COL10A1: variants seen among roughly 807,000 people sequenced by gnomAD.
The protein encoded by COL10A1 is collagen alpha-1(X) chain.
COL10A1 carries 10 observed loss-of-function variants against 18.2 expected under a neutral mutation model. The ratio of observed to expected loss-of-function variants is 0.55; its 90% confidence interval spans 0.34 to 0.93. COL10A1 has a LOEUF of 0.93. Among genes scored for constraint, COL10A1 ranks in the 40% least tolerant of loss-of-function variants. The pLI, the probability that COL10A1 is intolerant of heterozygous loss-of-function variation, is 0.02. For synonymous variants in COL10A1, 330 were observed against 316.6 expected, an observed-to-expected ratio of 1.04 and a Z score of -0.45; for missense variants, 897 against 853.5, an observed-to-expected ratio of 1.05 and a Z score of -0.64.
the COL10A1 span, among the ~76,000 whole-genome samples, chr6:116,212,706 GAACAA>G: frequency 6.6e-6 from 1 of 151,988 alleles, no homozygotes; most frequent in Non-Finnish European, 1.5e-5. Context: ...GGAGGCAGGG[GAACAA>G]ACATCCCAGG....
chr6:116,130,886 AT>A (rs1456941927), upstream of COL10A1, among the ~76,000 whole-genome samples: 9 of 152,100 alleles, frequency 5.9e-5, no homozygotes, highest in East Asian at 7.7e-4. Context: ...TTGAAAAAAA[AT>A]ATAAGCCGTT....
At chr6:116,180,236 A>G in the COL10A1 span, among the ~76,000 whole-genome samples, 2 of 152,058 alleles carry the variant, frequency 1.3e-5, no homozygotes, top group African/African-American at 4.8e-5. Flanking sequence ...TCATTTTTCA[A>G]CGTTTAGAGG....
the COL10A1 span, among the ~76,000 whole-genome samples, chr6:116,174,190 GT>G: frequency 6.6e-6 from 1 of 152,098 alleles, no homozygotes; most frequent in Non-Finnish European, 1.5e-5. Flanking sequence ...CATTTGCCAT[GT>G]TTCTCTACTG....
intron 1 of COL10A1, among the ~76,000 whole-genome samples, chr6:116,138,522 A>ATGCAAAACT: frequency 3.9e-5 from 6 of 152,220 alleles, no homozygotes; most frequent in African/African-American, 1.2e-4. Flanking sequence ...CTAGTTCAGA[A>ATGCAAAACT]TTTGCTAATT....
the COL10A1 span, among the ~76,000 whole-genome samples, chr6:116,179,038 A>G: frequency 6.6e-6 from 1 of 152,156 alleles, no homozygotes; most frequent in African/African-American, 2.4e-5. Flanking sequence ...AAAATAGTCA[A>G]AGTAAGTTTG....
At chr6:116,150,435 C>T (rs1780011552) in intron 1 of COL10A1, among the ~76,000 whole-genome samples, 1 of 152,076 alleles carries the variant, frequency 6.6e-6, no homozygotes, top group Non-Finnish European at 1.5e-5. Context: ...CAGGTGCCCG[C>T]CACCACACCC....
In COL10A1 at chr6:116,120,949, C is replaced by A. The variant is rs200840015; in HGVS notation, c.1167G>T (p.Gly389=). ...CATCGAGACCTGGTTTTCCTGGGTA[C>A]CCTGGTTTTCCATCTGACCCAGGGG... is the stretch of plus-strand genomic sequence containing the variant. ...RGSPGSDGKP[G]YPGKPGLDGP... Residue 389 remains glycine (G), a synonymous_variant, in exon 3 of 3, where the codon GGG becomes GGT. Transcript: ENST00000651968. 20 of 1,613,914 alleles carry A rather than the reference C, an allele frequency of 1.2e-5. No individual in the cohort carries two copies. In the African/African-American group the frequency reaches 2.4e-4, roughly 19 times the overall value.
intron 1 of COL10A1, among the ~76,000 whole-genome samples, chr6:116,139,763 C>T (rs1475321790): frequency 6.6e-6 from 1 of 152,006 alleles, no homozygotes; most frequent in Non-Finnish European, 1.5e-5. Context: ...CAGTTTTTTG[C>T]TTAAAAGGCA....
chr6:116,183,963 T>A, the COL10A1 span, among the ~76,000 whole-genome samples: 1 of 152,220 alleles, frequency 6.6e-6, no homozygotes, highest in East Asian at 1.9e-4. Flanking sequence ...AAAGTGGGCA[T>A]CTTTGTCTTT....
the COL10A1 span, among the ~76,000 whole-genome samples, chr6:116,187,004 G>T: frequency 6.6e-6 from 1 of 151,976 alleles, no homozygotes; most frequent in South Asian, 2.1e-4. Context: ...ATGTCAGATG[G>T]TAGATCCGGG....
the COL10A1 span, among the ~76,000 whole-genome samples, chr6:116,167,917 G>A: frequency 6.6e-6 from 1 of 151,984 alleles, no homozygotes; most frequent in South Asian, 2.1e-4. Context: ...TTTAATGGAG[G>A]TCTAGGTTAA....
At chr6:116,125,945 T>A (rs1452900591) in intron 1 of COL10A1, 108 bp downstream of exon 1, 3 of 158,530 alleles carry the variant, frequency 1.9e-5, no homozygotes, top group Admixed American at 6.3e-5. Context: ...ACCCATTTTT[T>A]AAATCACTTT....
At chr6:116,156,505 C>T (rs977098638) in intron 1 of COL10A1, among the ~76,000 whole-genome samples, 8 of 152,196 alleles carry the variant, frequency 5.3e-5, no homozygotes, top group East Asian at 1.9e-4. Context: ...AAAAGGAATG[C>T]GTCTTAAGGA....
At chr6:116,178,088 T>TGTGTGTGTGTGC in the COL10A1 span, among the ~76,000 whole-genome samples, 22 of 99,662 alleles carry the variant, frequency 2.2e-4, no homozygotes, top group African/African-American at 8.4e-4. Flanking sequence ...TGTGTGTGTG[T>TGTGTGTGTGTGC]GCGCGCGCGC....
At chr6:116,198,372 A>C in the COL10A1 span, among the ~76,000 whole-genome samples, 1 of 152,062 alleles carries the variant, frequency 6.6e-6, no homozygotes, top group Non-Finnish European at 1.5e-5. Context: ...AACTGTGCTC[A>C]TGCCCTGCTT....
chr6:116,212,346 T>A, the COL10A1 span, among the ~76,000 whole-genome samples: 1 of 152,122 alleles, frequency 6.6e-6, no homozygotes, highest in Non-Finnish European at 1.5e-5. Flanking sequence ...GCTTAACTAC[T>A]CTGTCTATGC....
At chr6:116,164,274 G>C in the COL10A1 span, among the ~76,000 whole-genome samples, 2 of 152,212 alleles carry the variant, frequency 1.3e-5, no homozygotes, top group East Asian at 1.9e-4. Flanking sequence ...CTCTGGTGTT[G>C]GGTAATGTAT....
rs144872978 is a variant in COL10A1 at position 116,154,431 on chromosome 6, G to C, written c.-16+4183C>G. Among the ~76,000 whole-genome samples, 459 of 152,166 alleles carry C rather than the reference G, an allele frequency of 3.0e-3. 2 individuals are homozygous for C. The highest frequency in any genetic ancestry group is 0.01 in the African/African-American group (434 of 41,514). On this transcript the variant is annotated intron_variant, in intron 1 of 1. Transcript: ENST00000418500. The stretch of plus-strand genomic sequence containing the variant: ...TTTTCTTACCTGGCCCCTGACAACA[G>C]ATTCACCCAAACACATTATACTCCT...
At chr6:116,165,803 C>T in the COL10A1 span, among the ~76,000 whole-genome samples, 9 of 152,222 alleles carry the variant, frequency 5.9e-5, no homozygotes, top group Non-Finnish European at 1.2e-4. Flanking sequence ...ACCTGCTGGT[C>T]CCCTGTGGTT....
Sources: allele counts gnomAD v4.1 joint callset (sites outside exome capture counted in the v4.1 genomes callset), GRCh38; gene constraint gnomAD v4.1.1; transcripts MANE v1.5; gene names NCBI Gene and HGNC (gene_info 2026-07-23, HGNC 2026-07-21).